The following PARD3 variants were observed in gnomAD, a reference collection of about 807,000 sequenced individuals.
PARD3 encodes partitioning defective 3 homolog.
In PARD3, 75 loss-of-function variants were observed where a neutral mutation model predicts 155.4. The ratio of observed to expected loss-of-function variants is 0.48; its 90% CI spans 0.40 to 0.58. PARD3 has a LOEUF of 0.58. PARD3 is among the 20% of genes least tolerant of loss of function. The pLI, the probability that PARD3 is intolerant of heterozygous loss-of-function variation, is 0.00. For missense variants in PARD3, 1,642 were observed against 1,721.7 expected (o/e 0.95, Z 0.82); for synonymous variants, 576 against 610.5 (o/e 0.94, Z 0.83).
At chr10:34,369,951 G>A (rs1158865289) in intron 12 of PARD3, among the ~76,000 whole-genome samples, 1 of 152,070 alleles carries the variant, frequency 6.6e-6, no homozygotes, top group African/African-American at 2.4e-5. Flanking sequence ...TATGTGCCAA[G>A]AACTAGCAAT....
chr10:34,604,813 T>C (rs1431139559), intron 2 of PARD3, among the ~76,000 whole-genome samples: 1 of 152,008 alleles, frequency 6.6e-6, no homozygotes, highest in Non-Finnish European at 1.5e-5. Flanking sequence ...ACAAAGTCAC[T>C]GATAAATTTG....
At chr10:34,289,054 G>A (rs1589066245) in intron 20 of PARD3, among the ~76,000 whole-genome samples, 1 of 151,742 alleles carries the variant, frequency 6.6e-6, no homozygotes, top group African/African-American at 2.4e-5. Context: ...GCAACCTCCT[G>A]GGCTCATGCC....
rs1490212611 is a variant in PARD3, at chr10:34,287,671, T to C, written c.3066-3426A>G. On this transcript the variant is annotated intron_variant, in intron 20 of 24. Transcript: ENST00000374788. ...TATTGGTCCTACATTGTTAAGAAGG[T>C]TTCAGTTTGCCCACATAGTCTCATA... Among the ~76,000 whole-genome samples, 7 of 152,284 alleles carry C rather than the reference T, an allele frequency of 4.6e-5. No individual in the cohort carries two copies. In the South Asian group the frequency reaches 1.5e-3, roughly 32 times the overall value.
rs116922780 is a variant in PARD3, at chr10:34,481,568, G to A, written c.404-11305C>T. Among the ~76,000 whole-genome samples, 89 of 152,318 alleles carry A rather than the reference G, an allele frequency of 5.8e-4. No individual in the cohort carries two copies. The East Asian group carries it at 0.015, about 25-fold the overall frequency. ...GAGCCCCTGCCAGACACATCAGGGA[G>A]TGATCTGGCCACCCAGAGAGCAAAT... On this transcript the variant is annotated intron_variant, in intron 3 of 24. Transcript: ENST00000374788.
chr10:34,649,711 C>A (rs1460927656), intron 2 of PARD3, among the ~76,000 whole-genome samples: 1 of 152,190 alleles, frequency 6.6e-6, no homozygotes, highest in Non-Finnish European at 1.5e-5. Context: ...TCTAAAGATT[C>A]TTTCTTCCAC....
intron 22 of PARD3, among the ~76,000 whole-genome samples, chr10:34,199,928 G>T (rs1457705187): frequency 1.3e-5 from 2 of 152,078 alleles, no homozygotes; most frequent in Non-Finnish European, 2.9e-5. Context: ...ATGAAAAACG[G>T]TTTAGTGATT....
chr10:34,453,171 C>T (rs953813948), intron 4 of PARD3, among the ~76,000 whole-genome samples: 2 of 152,178 alleles, frequency 1.3e-5, no homozygotes, highest in Non-Finnish European at 2.9e-5. Context: ...AACTTCTTCA[C>T]CTTCATTCTT....
chr10:34,689,065 T>G (rs11599601), intron 2 of PARD3, among the ~76,000 whole-genome samples: 532 of 152,338 alleles, frequency 3.5e-3, no homozygotes, highest in Middle Eastern at 6.8e-3. Flanking sequence ...TATCTACGTT[T>G]TCAACATGCA....
chr10:34,300,268 A>G (rs1369257190), intron 20 of PARD3, among the ~76,000 whole-genome samples: 2 of 152,168 alleles, frequency 1.3e-5, no homozygotes, highest in South Asian at 2.1e-4. Flanking sequence ...GGGAAAACAC[A>G]GTCTGGAAAT....
At position 34,736,330 on chromosome 10, in the gene PARD3, C is replaced by CTTTTT. The variant is rs564413627; in HGVS notation, c.121-39916_121-39912dup. On this transcript the variant is annotated intron_variant, in intron 1 of 24. Transcript: ENST00000374788. ...TAGGCGTGAGCCACTGCGCCTGGCC[C>CTTTTT]TTTTTTTTTTTTTTTGGTGATAGGG... Among the ~76,000 whole-genome samples, 866 of 128,416 alleles carry CTTTTT rather than the reference C, an allele frequency of 6.7e-3. 15 individuals are homozygous for CTTTTT. The highest frequency in any genetic ancestry group is 0.021 in the African/African-American group (750 of 35,168). 84.2% of individuals were successfully genotyped at this position (128,416 alleles called of 152,430 possible).
At chr10:34,472,990 A>G (rs2078454542) in intron 3 of PARD3, among the ~76,000 whole-genome samples, 1 of 152,220 alleles carries the variant, frequency 6.6e-6, no homozygotes, top group African/African-American at 2.4e-5. Flanking sequence ...ATATACCTGT[A>G]GCTCTCGAAA....
In PARD3 at chr10:34,160,096, T is replaced by C. The variant is rs1564443055; in HGVS notation, c.3420-28513A>G. ...AAAGTATTTTAACATTTTGGAGTTA[T>C]TTAATATAGGGACAATCAGTTCCTT... On this transcript the variant is annotated intron_variant, in intron 22 of 24. Coordinates refer to ENST00000374788, the MANE Select transcript of PARD3 (RefSeq NM_001184785.2). Among the ~76,000 whole-genome samples, 3 of 152,342 alleles carry C rather than the reference T, an allele frequency of 2.0e-5. No individual in the cohort carries two copies. In the East Asian group the frequency reaches 5.8e-4, roughly 29 times the overall value.
intron 21 of PARD3, among the ~76,000 whole-genome samples, chr10:34,273,455 G>T (rs1196786797): frequency 6.6e-6 from 1 of 152,180 alleles, no homozygotes; most frequent in Non-Finnish European, 1.5e-5. Context: ...TATGGAGTTG[G>T]TGAACAGGTT....
intron 2 of PARD3, among the ~76,000 whole-genome samples, chr10:34,606,663 G>A (rs1280558321): frequency 6.6e-5 from 8 of 121,236 alleles, no homozygotes; most frequent in African/African-American, 2.2e-4. Flanking sequence ...AAAAAAAAAA[G>A]TCTGTCTATC....
At chr10:34,601,538 A>T (rs1297670533) in intron 2 of PARD3, among the ~76,000 whole-genome samples, 1 of 152,176 alleles carries the variant, frequency 6.6e-6, no homozygotes. Context: ...AGTGAACATT[A>T]TTTTTCACAT....
intron 2 of PARD3, among the ~76,000 whole-genome samples, chr10:34,553,310 C>T (rs1735010324): frequency 6.6e-6 from 1 of 152,106 alleles, no homozygotes; most frequent in Admixed American, 6.5e-5. Flanking sequence ...AATCTGAGTG[C>T]ACAGAGCAGA....
intron 22 of PARD3, among the ~76,000 whole-genome samples, chr10:34,230,057 A>G (rs1952838161): frequency 6.6e-6 from 1 of 152,172 alleles, no homozygotes; most frequent in African/African-American, 2.4e-5. Flanking sequence ...AAAGGCAAAT[A>G]CATTAGTGTC....
chr10:34,611,932 C>CA (rs1394412914), intron 2 of PARD3, among the ~76,000 whole-genome samples: 1 of 136,538 alleles, frequency 7.3e-6, no homozygotes, highest in Non-Finnish European at 1.6e-5. Flanking sequence ...GCCTCAGCGC[C>CA]CCCCCTACCC....
chr10:34,402,448 T>C (rs570460442), intron 5 of PARD3, among the ~76,000 whole-genome samples: 3 of 152,326 alleles, frequency 2.0e-5, no homozygotes, highest in East Asian at 1.9e-4. Context: ...GGCAGTGGTA[T>C]AGTTCCAGAT....
Sources: allele counts gnomAD v4.1 joint callset (sites outside exome capture counted in the v4.1 genomes callset), GRCh38; gene constraint gnomAD v4.1.1; transcripts MANE v1.5; gene names NCBI Gene and HGNC (gene_info 2026-07-23, HGNC 2026-07-21).